The following RFC3 variants were observed in gnomAD, a reference collection of about 807,000 sequenced individuals.
RFC3 encodes replication factor C subunit 3, also known as A1 38 kDa subunit.
A neutral mutation model predicts 45.1 loss-of-function variants in RFC3; 41 were observed. That is an observed-to-expected ratio of 0.91 (90% confidence interval 0.71 to 1.18). The LOEUF (loss-of-function observed/expected upper bound fraction) is 1.18. RFC3 is among the 50% of genes most tolerant of loss of function. The pLI, the probability that RFC3 is intolerant of heterozygous loss-of-function variation, is 0.00. For missense variants in RFC3, 423 were observed against 428.1 expected, an observed-to-expected ratio of 0.99 and a Z score of 0.10; for synonymous variants, 149 against 144.0, an observed-to-expected ratio of 1.03 and a Z score of -0.25.
At chr13:33,962,275 G>T (rs2083061946) in intron 8 of RFC3, among the ~76,000 whole-genome samples, 1 of 152,192 alleles carries the variant, frequency 6.6e-6, no homozygotes, top group Admixed American at 6.5e-5. Flanking sequence ...AAAGAAAGGA[G>T]ATCAAAAACA....
At chr13:33,960,886 T>C (rs762678531) in intron 8 of RFC3, among the ~76,000 whole-genome samples, 35 of 152,346 alleles carry the variant, frequency 2.3e-4, no homozygotes, top group South Asian at 1.2e-3. Flanking sequence ...GTTTAAATCA[T>C]GATCTGATCC....
intron 8 of RFC3, among the ~76,000 whole-genome samples, chr13:33,871,198 A>G (rs927825028): frequency 1.3e-5 from 2 of 152,238 alleles, no homozygotes; most frequent in South Asian, 2.1e-4. Flanking sequence ...TTAGTTTTAC[A>G]TAGCTGCCAT....
downstream of RFC3, among the ~76,000 whole-genome samples, chr13:33,840,680 C>A (rs1396226042): frequency 6.8e-6 from 1 of 146,568 alleles, no homozygotes; most frequent in Non-Finnish European, 1.5e-5. Flanking sequence ...TGTGTGTATC[C>A]ATTTATACGT....
chr13:33,825,953 T>G, intron 4 of RFC3, 67 bp downstream of exon 4: 1 of 969,868 alleles, frequency 1.0e-6, no homozygotes, highest in Non-Finnish European at 1.6e-6. Flanking sequence ...TTTTTTGAGT[T>G]ATGAAAGTGA....
intron 8 of RFC3, among the ~76,000 whole-genome samples, chr13:33,843,839 A>G (rs2082217801): frequency 6.6e-6 from 1 of 152,218 alleles, no homozygotes. Flanking sequence ...AATTTGGAGC[A>G]AATAATTTTA....
At chr13:33,954,193 A>G (rs572786825) in intron 8 of RFC3, among the ~76,000 whole-genome samples, 1 of 152,370 alleles carries the variant, frequency 6.6e-6, no homozygotes, top group Admixed American at 6.5e-5. Flanking sequence ...AGCAAAATAT[A>G]CATTTTAGTA....
chr13:33,928,683 A>G (rs761582763), intron 8 of RFC3, among the ~76,000 whole-genome samples: 35 of 152,152 alleles, frequency 2.3e-4, no homozygotes, highest in Admixed American at 4.6e-4. Flanking sequence ...TGTTTGCTTT[A>G]CATCTTATCC....
intron 5 of RFC3, 53 bp downstream of exon 5, chr13:33,830,070 A>G (rs2082088136): frequency 2.1e-6 from 3 of 1,439,610 alleles, no homozygotes; most frequent in East Asian, 2.3e-5. Context: ...TTCTCTGAAT[A>G]TTGTATGCTT....
At chr13:33,916,658 G>T (rs369913115) in intron 8 of RFC3, among the ~76,000 whole-genome samples, 3 of 152,138 alleles carry the variant, frequency 2.0e-5, no homozygotes, top group East Asian at 1.9e-4. Flanking sequence ...AGATGTCTGT[G>T]TGTCTGTGTA....
intron 8 of RFC3, among the ~76,000 whole-genome samples, chr13:33,908,474 A>G (rs1400016590): frequency 6.6e-6 from 1 of 152,034 alleles, no homozygotes; most frequent in Non-Finnish European, 1.5e-5. Flanking sequence ...GGAGATCATC[A>G]GCTCCACAAA....
At chr13:33,925,121 CA>C (rs571766080) in intron 8 of RFC3, among the ~76,000 whole-genome samples, 13 of 142,758 alleles carry the variant, frequency 9.1e-5, no homozygotes, top group African/African-American at 2.2e-4. Flanking sequence ...ATATAGTGTA[CA>C]TATATACATG....
chr13:33,942,091 T>C (rs1454386819), intron 8 of RFC3, among the ~76,000 whole-genome samples: 1 of 152,150 alleles, frequency 6.6e-6, no homozygotes, highest in African/African-American at 2.4e-5. Flanking sequence ...TAAAATTCTC[T>C]TATCTTTTTT....
chr13:33,894,988 A>T (rs747047364), intron 8 of RFC3, among the ~76,000 whole-genome samples: 1 of 152,324 alleles, frequency 6.6e-6, no homozygotes, highest in Non-Finnish European at 1.5e-5. Context: ...CTCTCATCGT[A>T]TACAAAAATC....
At chr13:33,911,299 C>T (rs2082702419) in intron 8 of RFC3, among the ~76,000 whole-genome samples, 1 of 152,056 alleles carries the variant, frequency 6.6e-6, no homozygotes, top group Non-Finnish European at 1.5e-5. Context: ...AGTGGGAGAA[C>T]AGCCTGCTGT....
chr13:33,920,454 G>T (rs1469772238), intron 8 of RFC3, among the ~76,000 whole-genome samples: 1 of 132,168 alleles, frequency 7.6e-6, no homozygotes, highest in Non-Finnish European at 1.5e-5. Context: ...TTGCAACAAG[G>T]TCCTCACTCT....
intron 8 of RFC3, among the ~76,000 whole-genome samples, chr13:33,930,732 G>A (rs1433076485): frequency 6.6e-6 from 1 of 152,072 alleles, no homozygotes; most frequent in African/African-American, 2.4e-5. Context: ...ACACTTTCCT[G>A]TTGATGATCT....
At chr13:33,916,355 G>A (rs561655162) in intron 8 of RFC3, among the ~76,000 whole-genome samples, 118 of 152,226 alleles carry the variant, frequency 7.8e-4, no homozygotes, top group African/African-American at 2.8e-3. Flanking sequence ...AAGAAAAAAA[G>A]AAAGCAATGG....
At position 33,818,253 on chromosome 13, in the gene RFC3, G is replaced by A. The variant is rs149708296; in HGVS notation, c.75G>A (p.Gln25=). 54 of 1,613,538 alleles carry A rather than the reference G, an allele frequency of 3.3e-5. No individual in the cohort carries two copies. The Admixed American group carries it at 8.0e-4, about 24-fold the overall frequency. ...RLDYHKEQAA[Q]LRNLVQCGDF... is the part of the protein sequence containing the mutation. ...ACTATCACAAGGAGCAGGCGGCCCA[G>A]CTGCGGAACCTGGTGAGTCTGCGGG... Residue 25 remains glutamine (Q), a synonymous_variant, in exon 1 of 9, where the codon CAG becomes CAA. Transcript: ENST00000380071.
chr13:33,830,265 G>C (rs2274729), intron 5 of RFC3, among the ~76,000 whole-genome samples: 9,532 of 152,168 alleles, frequency 0.063, 617 homozygotes, highest in East Asian at 0.16. Context: ...TACTAAACTA[G>C]GTAAGGGCTA....
Sources: gnomAD v4.1 joint callset for allele counts (sites outside exome capture counted in the v4.1 genomes callset) on GRCh38, gnomAD v4.1.1 for gene constraint, MANE v1.5 for transcripts, NCBI Gene and HGNC (gene_info 2026-07-23, HGNC 2026-07-21) for gene names.